Variants in MDGA2 observed in about 807,000 individuals in gnomAD.
MDGA2 encodes the protein MAM domain-containing glycosylphosphatidylinositol anchor protein 2.
A neutral mutation model predicts 117.8 loss-of-function variants in MDGA2; 40 were observed. That is an observed-to-expected ratio of 0.34 (90% confidence interval 0.26 to 0.44). The LOEUF is 0.44. Among genes scored for constraint, MDGA2 ranks in the 20% least tolerant of loss-of-function variants. The pLI is 1.00. For synonymous variants in MDGA2, 452 were observed against 439.0 expected (o/e 1.03, Z -0.37); for missense variants, 1,123 against 1,250.6 (o/e 0.90, Z 1.54).
At chr14:46,888,239 T>C (rs936193194) in intron 10 of MDGA2, among the ~76,000 whole-genome samples, 1 of 151,922 alleles carries the variant, frequency 6.6e-6, no homozygotes, top group Non-Finnish European at 1.5e-5. Flanking sequence ...GAAAACTAAA[T>C]GCAATGTTTG....
At chr14:46,862,413 ATATAT>A (rs1881547263) in intron 14 of MDGA2, among the ~76,000 whole-genome samples, 1 of 148,620 alleles carries the variant, frequency 6.7e-6, no homozygotes, top group African/African-American at 2.4e-5. Flanking sequence ...ATTATTTAAT[ATATAT>A]TATAATATAA....
At chr14:46,961,027 T>C (rs773299095) in intron 8 of MDGA2, among the ~76,000 whole-genome samples, 1 of 151,872 alleles carries the variant, frequency 6.6e-6, no homozygotes, top group African/African-American at 2.4e-5. Flanking sequence ...TTTCAGCGCA[T>C]CATTATATAA....
chr14:47,068,226 A>G (rs1239113345), intron 6 of MDGA2, among the ~76,000 whole-genome samples: 1 of 152,058 alleles, frequency 6.6e-6, no homozygotes, highest in Non-Finnish European at 1.5e-5. Flanking sequence ...TCTCAATAGA[A>G]CATCAGCAGG....
intron 1 of MDGA2, among the ~76,000 whole-genome samples, chr14:47,364,421 C>T (rs981216426): frequency 1.3e-5 from 2 of 152,124 alleles, no homozygotes; most frequent in South Asian, 2.1e-4. Context: ...CCCAACACCA[C>T]GCCCAGCTAA....
chr14:47,016,645 T>C (rs1047622237), intron 8 of MDGA2, among the ~76,000 whole-genome samples: 2 of 152,048 alleles, frequency 1.3e-5, no homozygotes, highest in Non-Finnish European at 2.9e-5. Context: ...AAACCTATGA[T>C]GATGCAACTT....
intron 7 of MDGA2, among the ~76,000 whole-genome samples, chr14:47,051,588 C>T (rs954621815): frequency 6.6e-6 from 1 of 151,810 alleles, no homozygotes; most frequent in African/African-American, 2.4e-5. Context: ...GTTCTTTGCA[C>T]TAATCATAGT....
intron 14 of MDGA2, among the ~76,000 whole-genome samples, chr14:46,865,059 AAT>A (rs1207252223): frequency 1.3e-5 from 2 of 152,112 alleles, no homozygotes; most frequent in Non-Finnish European, 2.9e-5. Flanking sequence ...CCTATTTGAG[AAT>A]ATATTTGATA....
chr14:46,860,148 C>T (rs956932424), intron 14 of MDGA2, among the ~76,000 whole-genome samples: 9 of 152,062 alleles, frequency 5.9e-5, no homozygotes, highest in East Asian at 1.9e-4. Flanking sequence ...CTTTATATCA[C>T]AGCTGGATGA....
intron 1 of MDGA2, among the ~76,000 whole-genome samples, chr14:47,547,815 G>A (rs773828275): frequency 4.6e-5 from 7 of 152,126 alleles, no homozygotes; most frequent in Non-Finnish European, 8.8e-5. Context: ...CATCAATTGA[G>A]CATTTGTAAA....
chr14:47,044,160 T>C (rs1037552738), intron 7 of MDGA2, among the ~76,000 whole-genome samples: 3 of 152,064 alleles, frequency 2.0e-5, no homozygotes, highest in Admixed American at 2.0e-4. Flanking sequence ...AAGAAAACCA[T>C]TGATTAATAA....
rs1566543668 is a variant in MDGA2 at position 46,955,405 on chromosome 14, CG to C, written c.2089+1968del. On this transcript the variant is annotated intron_variant, in intron 9 of 16. Transcript: ENST00000399232. ...CTGCTATGACTTCACCATTAAAATA[CG>C]AGTAAATAAAATATATGCAAATGCA... Among the ~76,000 whole-genome samples the C allele has an allele frequency of 5.3e-5, 8 of 152,042 alleles. No individual in the cohort carries two copies. The East Asian group carries it at 1.5e-3, about 29-fold the overall frequency.
intron 3 of MDGA2, among the ~76,000 whole-genome samples, chr14:47,172,485 G>T (rs555520256): frequency 6.6e-6 from 1 of 152,112 alleles, no homozygotes; most frequent in Non-Finnish European, 1.5e-5. Flanking sequence ...AGCATTCGCG[G>T]TTCACGAAAA....
intron 1 of MDGA2, among the ~76,000 whole-genome samples, chr14:47,314,041 T>C (rs1889725420): frequency 6.6e-6 from 1 of 152,178 alleles, no homozygotes; most frequent in Non-Finnish European, 1.5e-5. Flanking sequence ...TATTTGATTT[T>C]TAAAAACACA....
intron 1 of MDGA2, among the ~76,000 whole-genome samples, chr14:47,587,621 C>T (rs1896350245): frequency 6.6e-6 from 1 of 151,872 alleles, no homozygotes; most frequent in Admixed American, 6.6e-5. Flanking sequence ...GTTGAGGTAG[C>T]ACTCCTAAGT....
At chr14:47,053,510 G>A (rs1889530438) in intron 7 of MDGA2, among the ~76,000 whole-genome samples, 1 of 150,310 alleles carries the variant, frequency 6.7e-6, no homozygotes, top group Admixed American at 6.7e-5. Flanking sequence ...TGGGATCATA[G>A]AAGCAAAACA....
At chr14:47,442,478 T>G (rs1192396840) in intron 1 of MDGA2, among the ~76,000 whole-genome samples, 1 of 152,058 alleles carries the variant, frequency 6.6e-6, no homozygotes, top group Non-Finnish European at 1.5e-5. Flanking sequence ...GCTGGTGCAC[T>G]GAGGTGATGT....
At chr14:47,398,637 G>A (rs973800043) in intron 1 of MDGA2, among the ~76,000 whole-genome samples, 1 of 152,126 alleles carries the variant, frequency 6.6e-6, no homozygotes, top group African/African-American at 2.4e-5. Context: ...GACACACAAC[G>A]TTTAAGTAGT....
chr14:47,341,440 A>C (rs8010964), intron 1 of MDGA2, among the ~76,000 whole-genome samples: 14 of 151,974 alleles, frequency 9.2e-5, no homozygotes, highest in African/African-American at 3.4e-4. Context: ...TTTAAAGTGT[A>C]AGAAATATCT....
At chr14:47,645,156 G>C (rs1897502101) in intron 1 of MDGA2, among the ~76,000 whole-genome samples, 1 of 152,186 alleles carries the variant, frequency 6.6e-6, no homozygotes, top group African/African-American at 2.4e-5. Context: ...CACGGAATTT[G>C]TGGGAATTCA....
Sources: gnomAD v4.1 joint callset for allele counts (sites outside exome capture counted in the v4.1 genomes callset) on GRCh38, gnomAD v4.1.1 for gene constraint, MANE v1.5 for transcripts, NCBI Gene and HGNC (gene_info 2026-07-23, HGNC 2026-07-21) for gene names.